The following GDA variants were observed in gnomAD, a reference collection of about 807,000 sequenced individuals.
The protein encoded by GDA is cytoplasmic PSD-95 interactor.
GDA carries 18 observed loss-of-function variants against 59.6 expected under a neutral mutation model. The observed-to-expected ratio is 0.30, with a 90% CI of 0.21 to 0.45. The LOEUF (loss-of-function observed/expected upper bound fraction) is 0.45, where lower values mean the gene tolerates loss of function less well. Among genes scored for constraint, GDA ranks in the 20% least tolerant of loss-of-function variants. GDA has a pLI of 1.00. For synonymous variants in GDA, 201 were observed against 201.1 expected, an observed-to-expected ratio of 1.00 and a Z score of 0.00; for missense variants, 427 against 552.3, an observed-to-expected ratio of 0.77 and a Z score of 2.27.
At chr9:72,213,061 G>A (rs1025801036) in intron 4 of GDA, among the ~76,000 whole-genome samples, 6 of 152,088 alleles carry the variant, frequency 3.9e-5, no homozygotes, top group African/African-American at 1.2e-4. Context: ...ACAAGGTCAG[G>A]AGATCGAACC....
intron 1 of GDA, among the ~76,000 whole-genome samples, chr9:72,118,271 C>A (rs1373952763): frequency 1.4e-4 from 4 of 29,132 alleles, no homozygotes; most frequent in Non-Finnish European, 1.9e-4. Flanking sequence ...GAGACTCCAC[C>A]TCAAAAAAAA....
chr9:72,193,512 G>T (rs1484257223), intron 1 of GDA, among the ~76,000 whole-genome samples: 1 of 152,236 alleles, frequency 6.6e-6, no homozygotes, highest in Non-Finnish European at 1.5e-5. Context: ...CTGAAGCTCG[G>T]GGTAGAGTGA....
Position 72,195,549 on chromosome 9 carries a change from G to A in GDA, c.173G>A (p.Trp58Ter). 1 of 1,581,948 alleles carries A rather than the reference G, an allele frequency of 6.3e-7. No individual in the cohort carries two copies. The highest frequency in any genetic ancestry group is 8.6e-7 in the Non-Finnish European group (1 of 1,157,282). The change falls in exon 2 of 14, where the codon TGG (tryptophan) becomes TAG (stop). Residue 58 changes from tryptophan (W) to a stop codon, truncating the protein, a stop_gained. Coordinates refer to ENST00000358399, the MANE Select transcript of GDA (RefSeq NM_004293.5). LOFTEE classifies it high-confidence loss of function. ...ASQQEKLAKE[W>*]CFKPCEIREL... ...CAACAGGAAAAACTGGCCAAAGAATGGTGCTTCAAGCCGTGTGAAATAAGA... is the reference window on the plus strand; with the variant it reads ...CAACAGGAAAAACTGGCCAAAGAATAGTGCTTCAAGCCGTGTGAAATAAGA...
rs925504124 is a variant in GDA, at chr9:72,250,305, G to A, written c.*1963G>A. 59 of 1,025,980 alleles carry A rather than the reference G, an allele frequency of 5.8e-5. No homozygotes were observed. Among genetic ancestry groups the A allele is most frequent in the Non-Finnish European group, 6.7e-5 (57 of 856,256 alleles). 63.6% of individuals were successfully genotyped at this position (1,025,980 alleles called of 1,614,324 possible). A position where few individuals can be genotyped will look rare whatever the true frequency, so the allele number is the denominator to read the frequency against. On this transcript the variant is annotated 3_prime_UTR_variant, in exon 14 of 14. Transcript: ENST00000358399. ...GATCCTACACTTTTACCTTCTTTAA[G>A]GGTGTACATTTTGATGTTGAACATC...
At chr9:72,199,765 C>A (rs1470612290) in intron 2 of GDA, among the ~76,000 whole-genome samples, 1 of 152,112 alleles carries the variant, frequency 6.6e-6, no homozygotes, top group Non-Finnish European at 1.5e-5. Context: ...TGCCCTGCTC[C>A]TTCTTGAATG....
intron 1 of GDA, among the ~76,000 whole-genome samples, chr9:72,157,694 T>C (rs1419998405): frequency 6.6e-6 from 1 of 152,214 alleles, no homozygotes; most frequent in Non-Finnish European, 1.5e-5. Flanking sequence ...TCTTGGACCA[T>C]GGGTAGTATC....
chr9:72,151,027 T>G (rs553463008), intron 1 of GDA, among the ~76,000 whole-genome samples: 1 of 152,300 alleles, frequency 6.6e-6, no homozygotes, highest in African/African-American at 2.4e-5. Context: ...AACTCTTGGG[T>G]TTCTTTTTTA....
intron 1 of GDA, among the ~76,000 whole-genome samples, chr9:72,137,356 C>T (rs1349552373): frequency 6.8e-6 from 1 of 146,600 alleles, no homozygotes; most frequent in African/African-American, 2.5e-5. Context: ...ACACCATTCT[C>T]CTGCCTCAGC....
chr9:72,121,026 AC>A (rs1825641640), intron 1 of GDA, among the ~76,000 whole-genome samples: 1 of 152,086 alleles, frequency 6.6e-6, no homozygotes, highest in Admixed American at 6.6e-5. Flanking sequence ...TCAGGTTCTT[AC>A]TTCAACCACA....
chr9:72,240,343 A>C (rs577942432), intron 10 of GDA, among the ~76,000 whole-genome samples: 1 of 152,232 alleles, frequency 6.6e-6, no homozygotes, highest in Admixed American at 6.5e-5. Context: ...ATAAATTTTT[A>C]GTGAATAGAA....
chr9:72,136,950 T>G (rs1222565158), intron 1 of GDA, among the ~76,000 whole-genome samples: 2 of 152,060 alleles, frequency 1.3e-5, no homozygotes, highest in East Asian at 3.9e-4. Flanking sequence ...ACTCCAGCCT[T>G]GGTCCTTGGC....
At chr9:72,180,681 C>T (rs1831082531) in intron 1 of GDA, among the ~76,000 whole-genome samples, 1 of 152,162 alleles carries the variant, frequency 6.6e-6, no homozygotes, top group African/African-American at 2.4e-5. Context: ...TGGTGAATTT[C>T]ACTCCGAGCT....
intron 5 of GDA, among the ~76,000 whole-genome samples, chr9:72,217,348 T>A (rs1384906043): frequency 6.6e-6 from 1 of 152,236 alleles, no homozygotes; most frequent in African/African-American, 2.4e-5. Context: ...ACAGTAGTGC[T>A]TCTCTTGATG....
At position 72,241,185 on chromosome 9, in the gene GDA, A is replaced by T. The variant is rs747414384; in HGVS notation, c.1022A>T (p.Asp341Val). 3 of 1,606,954 alleles carry T rather than the reference A, an allele frequency of 1.9e-6. No homozygotes were observed. The highest frequency in any genetic ancestry group is 2.6e-6 in the Non-Finnish European group (3 of 1,174,542). ...GGTGGCTATTCATATTCCATGCTTG[A>T]TGCAATCAGAAGAGCAGTGATGGTT... ...VAGGYSYSMLDAIRRAVMVSN... is the reference protein window; with the variant it reads ...VAGGYSYSMLVAIRRAVMVSN... The change falls in exon 11 of 14, where the codon GAT becomes GTT. Residue 341 changes from aspartate to valine, a missense_variant. Coordinates refer to ENST00000358399, the MANE Select transcript of GDA (RefSeq NM_004293.5).
intron 1 of GDA, among the ~76,000 whole-genome samples, chr9:72,134,564 G>C (rs190721676): frequency 1.3e-3 from 199 of 152,010 alleles, no homozygotes; most frequent in Non-Finnish European, 2.4e-3. Context: ...ACCATGCCCA[G>C]CTATTTTTTT....
At chr9:72,116,391 T>G (rs1825446548) in intron 1 of GDA, among the ~76,000 whole-genome samples, 1 of 149,474 alleles carries the variant, frequency 6.7e-6, no homozygotes, top group Non-Finnish European at 1.5e-5. Flanking sequence ...CCAGCCTTTT[T>G]TTTTTTTTTT....
In GDA at chr9:72,149,627, C is replaced by T; in HGVS notation, c.68C>T (p.Thr23Ile). 1.9e-6 allele frequency: 3 copies of T among 1,610,808 alleles called. No homozygotes were observed. Among genetic ancestry groups the T allele is most frequent in the South Asian group, 2.2e-5 (2 of 90,954 alleles). ...GGGACGTTCGTCCACTCCACCTGGA[C>T]CTGCCCCATGGAGGTGCTGCGGGAT... ...FRGTFVHSTWTCPMEVLRDHL... is the reference protein window; with the variant it reads ...FRGTFVHSTWICPMEVLRDHL... The change falls in exon 1 of 14, where the codon ACC becomes ATC. Residue 23 changes from threonine (T) to isoleucine (I), a missense_variant. By Grantham distance (89) the Thr-to-Ile change is moderately conservative. Transcript: ENST00000358399.
intron 1 of GDA, among the ~76,000 whole-genome samples, chr9:72,121,616 T>A (rs530339535): frequency 1.3e-5 from 2 of 151,992 alleles, no homozygotes; most frequent in Non-Finnish European, 2.9e-5. Context: ...AAAAAAAGAT[T>A]CTGTCTTAAT....
At chr9:72,236,225 G>T (rs1486332606) in intron 10 of GDA, among the ~76,000 whole-genome samples, 1 of 152,112 alleles carries the variant, frequency 6.6e-6, no homozygotes, top group African/African-American at 2.4e-5. Context: ...CCCCTTCTCA[G>T]TGCCTGCAGT....
Sources: allele counts gnomAD v4.1 joint callset (sites outside exome capture counted in the v4.1 genomes callset), GRCh38; gene constraint gnomAD v4.1.1; transcripts MANE v1.5; gene names NCBI Gene and HGNC (gene_info 2026-07-23, HGNC 2026-07-21).